The following CSMD1 variants were observed in gnomAD, a reference collection of about 807,000 sequenced individuals.
The protein encoded by CSMD1 is CUB and Sushi multiple domains 1.
A neutral mutation model predicts 417.5 loss-of-function variants in CSMD1; 213 were observed. The observed-to-expected ratio is 0.51, with a 90% CI of 0.46 to 0.57. CSMD1 has a LOEUF of 0.57. CSMD1 is among the 20% of genes least tolerant of loss of function. The pLI, the probability that CSMD1 is intolerant of heterozygous loss-of-function variation, is 0.00. For synonymous variants in CSMD1, 2,862 were observed against 1,736.8 expected (o/e 1.65, Z -16.11); for missense variants, 6,923 against 4,529.7 (o/e 1.53, Z -15.17).
chr8:3,352,292 C>T (rs1312848043), intron 21 of CSMD1, among the ~76,000 whole-genome samples: 1 of 152,118 alleles, frequency 6.6e-6, no homozygotes, highest in South Asian at 2.1e-4. Context: ...CAGCCTGAAC[C>T]AGGTTGCAGG....
At chr8:4,345,370 T>C (rs924283745) in intron 3 of CSMD1, among the ~76,000 whole-genome samples, 8 of 152,230 alleles carry the variant, frequency 5.3e-5, no homozygotes, top group Middle Eastern at 3.4e-3. Context: ...TGACATGTAA[T>C]TATACACACT....
intron 3 of CSMD1, among the ~76,000 whole-genome samples, chr8:4,122,164 G>A (rs1040068002): frequency 1.3e-5 from 2 of 152,106 alleles, no homozygotes; most frequent in Non-Finnish European, 2.9e-5. Flanking sequence ...TTTCCTGACA[G>A]ACTTGATAAG....
At chr8:4,761,870 TCTATCTATCTATCTATCTACCTAC>T (rs1563318992) in intron 1 of CSMD1, among the ~76,000 whole-genome samples, 31 of 88,458 alleles carry the variant, frequency 3.5e-4, no homozygotes, top group South Asian at 2.9e-3. Context: ...TATCTATCTA[TCTATCTATCTATCTATCTACCTAC>T]CTATCTATCT....
chr8:4,720,339 T>C (rs1337857787), intron 1 of CSMD1, among the ~76,000 whole-genome samples: 2 of 152,162 alleles, frequency 1.3e-5, no homozygotes, highest in Non-Finnish European at 2.9e-5. Flanking sequence ...CAGAATAACA[T>C]GGTACCATGT....
At chr8:3,261,822 T>C (rs970307764) in intron 26 of CSMD1, among the ~76,000 whole-genome samples, 3 of 152,068 alleles carry the variant, frequency 2.0e-5, no homozygotes, top group African/African-American at 7.2e-5. Flanking sequence ...ACAGAATAGA[T>C]GAATGGCTGC....
rs868462409 is a variant in CSMD1, at chr8:2,978,709, G to T, written c.8469C>A (p.Ile2823=). ...FPESFEYGMS[I]LYHCKKGFYL... is the part of the protein sequence containing the mutation. ...AAAATCCCTTCTTGCAATGGTACAG[G>T]ATACTCATTCCATACTCAAAACTCT... The change falls in exon 55 of 70, where the codon ATC becomes ATA. Residue 2823 remains isoleucine, a synonymous_variant. Transcript: ENST00000635120. 1.2e-6 allele frequency: 2 copies of T among 1,612,892 alleles called. No individual in the cohort carries two copies. Among genetic ancestry groups the T allele is most frequent in the East Asian group, 2.2e-5 (1 of 44,846 alleles).
At chr8:4,053,730 T>C (rs913052398) in intron 3 of CSMD1, among the ~76,000 whole-genome samples, 1 of 152,126 alleles carries the variant, frequency 6.6e-6, no homozygotes, top group Non-Finnish European at 1.5e-5. Flanking sequence ...GCTCCAGAAC[T>C]GGCTTCTTGA....
At chr8:4,723,313 A>T (rs1217923437) in intron 1 of CSMD1, among the ~76,000 whole-genome samples, 1 of 152,208 alleles carries the variant, frequency 6.6e-6, no homozygotes, top group African/African-American at 2.4e-5. Context: ...TACAATAGCC[A>T]GGATTGATAC....
chr8:4,057,674 G>A (rs937602916), intron 3 of CSMD1, among the ~76,000 whole-genome samples: 26 of 150,806 alleles, frequency 1.7e-4, no homozygotes, highest in Admixed American at 5.3e-4. Flanking sequence ...TAGGTGTAAC[G>A]TTTAAGTCTT....
intron 6 of CSMD1, among the ~76,000 whole-genome samples, chr8:3,741,295 G>C (rs1253669077): frequency 3.3e-5 from 5 of 150,932 alleles, no homozygotes; most frequent in East Asian, 3.9e-4. Flanking sequence ...GAGTTTAGTA[G>C]GTCAGAGACT....
At chr8:4,154,984 C>G (rs1223484885) in intron 3 of CSMD1, among the ~76,000 whole-genome samples, 4 of 152,136 alleles carry the variant, frequency 2.6e-5, no homozygotes, top group Non-Finnish European at 5.9e-5. Context: ...TAATGCTACT[C>G]CAGAAACACG....
At chr8:4,680,157 A>T (rs1805948053) in intron 1 of CSMD1, among the ~76,000 whole-genome samples, 1 of 152,236 alleles carries the variant, frequency 6.6e-6, no homozygotes, top group Non-Finnish European at 1.5e-5. Context: ...ACAGCAGTGT[A>T]TGTAGAATCA....
intron 3 of CSMD1, among the ~76,000 whole-genome samples, chr8:4,369,286 G>C (rs754572787): frequency 7.9e-5 from 12 of 151,904 alleles, no homozygotes; most frequent in Non-Finnish European, 1.5e-4. Flanking sequence ...CTTCATTTTT[G>C]TTTGTGCTGT....
At chr8:4,026,729 C>G (rs1457920488) in intron 4 of CSMD1, among the ~76,000 whole-genome samples, 1 of 152,042 alleles carries the variant, frequency 6.6e-6, no homozygotes, top group African/African-American at 2.4e-5. Context: ...TTCTTTTTTC[C>G]TTAAAGAAAC....
At chr8:3,232,145 T>G (rs1798879451) in intron 26 of CSMD1, among the ~76,000 whole-genome samples, 1 of 152,212 alleles carries the variant, frequency 6.6e-6, no homozygotes, top group Admixed American at 6.5e-5. Flanking sequence ...ACCTTCTTCC[T>G]CCACTTCAGG....
At position 3,721,614 on chromosome 8, in the gene CSMD1, CTTAATTATTCTTATT is replaced by C. The variant is rs1802179659; in HGVS notation, c.932-13138_932-13124del. 2.0e-5 allele frequency among the ~76,000 whole-genome samples: 3 copies of C among 152,122 alleles called. No homozygotes were observed. In the South Asian group the frequency reaches 6.2e-4, roughly 32 times the overall value. ...TTATTTTCTCCTTTCTCAGTCCTACCTTAATTATTCTTATTTTGCAAATACCTTTATTTTGCTGTT... is the reference window on the plus strand; with the variant it reads ...TTATTTTCTCCTTTCTCAGTCCTACCTTGCAAATACCTTTATTTTGCTGTT... On this transcript the variant is annotated intron_variant, in intron 6 of 69. Transcript: ENST00000635120.
At chr8:3,550,947 G>T (rs1453589119) in intron 10 of CSMD1, among the ~76,000 whole-genome samples, 8 of 152,094 alleles carry the variant, frequency 5.3e-5, no homozygotes, top group Non-Finnish European at 1.2e-4. Flanking sequence ...TCTCTCATCA[G>T]ATGACAAACC....
At position 3,369,254 on chromosome 8, in the gene CSMD1, CT is replaced by C; in HGVS notation, c.2898del (p.Gly967GlufsTer4). 1 of 1,469,970 alleles carries C rather than the reference CT, an allele frequency of 6.8e-7. No homozygotes were observed. The highest frequency in any genetic ancestry group is 9.5e-7 in the Non-Finnish European group (1 of 1,051,374). The allele number at this position is 1,469,970 out of a possible 1,614,324, so 91.1% of individuals were successfully genotyped here. The stretch of plus-strand genomic sequence containing the variant: ...TTTGAGACCTATGATAGATTCTTAC[CT>C]TTCCCATGAGACACTTCAATGGTCC... ...CTWTIEVSHGKGVQMIFHTFH... is the reference protein window; with the variant it reads ...CTWTIEVSHGXGVQMIFHTFH... On this transcript the variant is annotated frameshift_variant and splice_region_variant, in exon 19 of 70. Transcript: ENST00000635120. LOFTEE classifies it high-confidence loss of function.
Position 3,793,746 on chromosome 8 carries a change from C to G in CSMD1, c.819-39704G>C, listed in dbSNP as rs147922154. Among the ~76,000 whole-genome samples the G allele has an allele frequency of 4.1e-3, 623 of 152,246 alleles. 4 individuals are homozygous for G. Among genetic ancestry groups the G allele is most frequent in the Non-Finnish European group, 7.6e-3 (515 of 68,018 alleles). On this transcript the variant is annotated intron_variant, in intron 5 of 69. Coordinates refer to ENST00000635120, the MANE Select transcript of CSMD1 (RefSeq NM_033225.6). ...TGTGCACTTTTTATTTTCGTAGGAT[C>G]TCTCTGGAACTGGTAGGAACTTGAC...
Sources: gnomAD v4.1 joint callset for allele counts (sites outside exome capture counted in the v4.1 genomes callset) on GRCh38, gnomAD v4.1.1 for gene constraint, MANE v1.5 for transcripts, NCBI Gene and HGNC (gene_info 2026-07-23, HGNC 2026-07-21) for gene names.